The following PPP2R2B variants were observed in gnomAD, a reference collection of about 807,000 sequenced individuals.
PPP2R2B encodes the protein protein phosphatase 2 regulatory subunit Bbeta.
A neutral mutation model predicts 46.0 loss-of-function variants in PPP2R2B; 5 were observed. That is an observed-to-expected ratio of 0.11 (90% CI 0.06 to 0.23). PPP2R2B has a LOEUF of 0.23. Among genes scored for constraint, PPP2R2B ranks in the 10% least tolerant of loss-of-function variants. PPP2R2B has a pLI of 1.00. For synonymous variants in PPP2R2B, 215 were observed against 206.7 expected (o/e 1.04, Z -0.34); for missense variants, 367 against 575.0 (o/e 0.64, Z 3.70).
chr5:146,621,579 T>A (rs537003142), intron 7 of PPP2R2B, among the ~76,000 whole-genome samples: 2 of 152,278 alleles, frequency 1.3e-5, no homozygotes, highest in Middle Eastern at 6.8e-3. Flanking sequence ...AGCTATGTGA[T>A]CTCACCAACC....
chr5:146,804,811 G>A (rs1306170718), intron 2 of PPP2R2B, among the ~76,000 whole-genome samples: 2 of 152,160 alleles, frequency 1.3e-5, no homozygotes, highest in South Asian at 2.1e-4. Flanking sequence ...CGCCTGAGGA[G>A]AAGCATATGT....
rs560712340 is a variant in PPP2R2B, at chr5:146,923,010, G to T, written c.79+132655C>A. On this transcript the variant is annotated intron_variant, in intron 1 of 8. Coordinates refer to the PPP2R2B transcript ENST00000336640. ...TAAGCGAGATGTCATAGGAAGCCAA[G>T]AAGAAAAATGGAAAAAAGTATTTCA... 1.1e-4 allele frequency among the ~76,000 whole-genome samples: 16 copies of T among 152,272 alleles called. 2 individuals are homozygous for T. The South Asian group carries it at 3.1e-3, about 30-fold the overall frequency.
intron 2 of PPP2R2B, among the ~76,000 whole-genome samples, chr5:146,856,796 T>G (rs529153859): frequency 6.6e-6 from 1 of 152,312 alleles, no homozygotes; most frequent in African/African-American, 2.4e-5. Flanking sequence ...TGAAGTGGAC[T>G]GCCTACTCAC....
intron 1 of PPP2R2B, among the ~76,000 whole-genome samples, chr5:146,969,563 A>T (rs2151847371): frequency 6.6e-6 from 1 of 152,328 alleles, no homozygotes; most frequent in East Asian, 1.9e-4. Flanking sequence ...GAGAGGCTAG[A>T]CAAGGCTATA....
At chr5:146,890,975 G>GA (rs1167381509) in intron 1 of PPP2R2B, among the ~76,000 whole-genome samples, 1 of 152,028 alleles carries the variant, frequency 6.6e-6, no homozygotes, top group Non-Finnish European at 1.5e-5. Context: ...GAGAGAGAGA[G>GA]AAAAAAATAA....
At chr5:146,593,566 A>T (rs553211240) in intron 8 of PPP2R2B, among the ~76,000 whole-genome samples, 1 of 152,320 alleles carries the variant, frequency 6.6e-6, no homozygotes, top group African/African-American at 2.4e-5. Flanking sequence ...AGCCTGGGAG[A>T]TCTTGTCGGG....
Position 146,878,493 on chromosome 5 carries a change from C to A in PPP2R2B, c.-125+98G>T, listed in dbSNP as rs1762038527. ...AGCCGCTCCAAAATGCAAAAAAGATCCCTCCTCCCCCTGGGAGAGCGGGCA... is the reference window on the plus strand; with the variant it reads ...AGCCGCTCCAAAATGCAAAAAAGATACCTCCTCCCCCTGGGAGAGCGGGCA... On this transcript the variant is annotated intron_variant, in intron 1 of 9. Coordinates refer to ENST00000394411, the MANE Select transcript of PPP2R2B (RefSeq NM_181675.4). This position sits in a 1 kb window ranked among gnomAD's most constrained non-coding sequence, Gnocchi z 4.5. 1 of 1,312,942 alleles carries A rather than the reference C, an allele frequency of 7.6e-7. No individual in the cohort carries two copies. The highest frequency in any genetic ancestry group is 9.8e-7 in the Non-Finnish European group (1 of 1,023,362). The allele number at this position is 1,312,942 out of a possible 1,614,324, so 81.3% of individuals were successfully genotyped here. A position where few individuals can be genotyped will look rare whatever the true frequency, so the allele number is the denominator to read the frequency against.
chr5:146,978,575 GT>G (rs1278902101), intron 1 of PPP2R2B, among the ~76,000 whole-genome samples: 1 of 152,138 alleles, frequency 6.6e-6, no homozygotes, highest in Non-Finnish European at 1.5e-5. Context: ...TCCAGTTTCA[GT>G]TTTCTGCATA....
At chr5:146,663,487 T>C (rs1776795583) in intron 5 of PPP2R2B, among the ~76,000 whole-genome samples, 2 of 59,882 alleles carry the variant, frequency 3.3e-5, no homozygotes, top group Admixed American at 3.6e-4. Context: ...AATAACAATA[T>C]ACAGGCATGT....
chr5:146,937,746 T>C (rs1764201111), intron 1 of PPP2R2B, among the ~76,000 whole-genome samples: 1 of 152,214 alleles, frequency 6.6e-6, no homozygotes, highest in Non-Finnish European at 1.5e-5. Context: ...CAGCTCTTGG[T>C]TATCTGCAAC....
At chr5:146,672,029 A>G (rs1449066633) in intron 5 of PPP2R2B, among the ~76,000 whole-genome samples, 1 of 152,168 alleles carries the variant, frequency 6.6e-6, no homozygotes. Flanking sequence ...TTTAAACACA[A>G]AAGGAGAATA....
At chr5:146,741,476 A>G (rs114600489) in intron 2 of PPP2R2B, among the ~76,000 whole-genome samples, 290 of 152,200 alleles carry the variant, frequency 1.9e-3, no homozygotes, top group African/African-American at 6.7e-3. Context: ...GGAGGGTGAA[A>G]CACTCCCGGT....
At chr5:146,780,827 G>T (rs1025750101) in intron 2 of PPP2R2B, among the ~76,000 whole-genome samples, 4 of 151,896 alleles carry the variant, frequency 2.6e-5, no homozygotes, top group African/African-American at 9.7e-5. Context: ...GAAGTGCATT[G>T]TTGGTATTTG....
intron 2 of PPP2R2B, among the ~76,000 whole-genome samples, chr5:146,863,752 A>C (rs1486590290): frequency 6.6e-6 from 1 of 152,178 alleles, no homozygotes; most frequent in African/African-American, 2.4e-5. Context: ...TTAAATTAAA[A>C]AAATGCCTCA....
chr5:146,672,329 CT>C (rs1777424088), intron 5 of PPP2R2B, among the ~76,000 whole-genome samples: 1 of 152,226 alleles, frequency 6.6e-6, no homozygotes, highest in Admixed American at 6.5e-5. Flanking sequence ...ACATCTGAAG[CT>C]GTTTGGGGTA....
intron 2 of PPP2R2B, among the ~76,000 whole-genome samples, chr5:146,864,627 G>C (rs1761202029): frequency 6.6e-6 from 1 of 152,076 alleles, no homozygotes; most frequent in Non-Finnish European, 1.5e-5. Flanking sequence ...ATTTAATATA[G>C]GTGGGCAACT....
chr5:147,016,544 G>A (rs1755013112), intron 1 of PPP2R2B, among the ~76,000 whole-genome samples: 2 of 8,490 alleles, frequency 2.4e-4, no homozygotes, highest in South Asian at 3.8e-3. Flanking sequence ...ATAAGTCTGA[G>A]AAAACATAGG....
chr5:146,703,016 T>C (rs1354292560), intron 2 of PPP2R2B, among the ~76,000 whole-genome samples: 1 of 152,198 alleles, frequency 6.6e-6, no homozygotes, highest in Non-Finnish European at 1.5e-5. Flanking sequence ...CCACTTTCCT[T>C]TGTTACAGTT....
At chr5:146,644,986 G>A (rs1028849086) in intron 6 of PPP2R2B, among the ~76,000 whole-genome samples, 4 of 152,164 alleles carry the variant, frequency 2.6e-5, no homozygotes, top group Non-Finnish European at 4.4e-5. Flanking sequence ...CAAGTAGGAC[G>A]CTTTTCTGCA....
Sources: allele counts gnomAD v4.1 joint callset (sites outside exome capture counted in the v4.1 genomes callset), GRCh38; gene constraint gnomAD v4.1.1; non-coding constraint Gnocchi (gnomAD v3.1); transcripts MANE v1.5; gene names NCBI Gene and HGNC (gene_info 2026-07-23, HGNC 2026-07-21).